Variants in MAP2 observed in about 807,000 individuals in gnomAD.
MAP2 encodes microtubule-associated protein 2.
Under a neutral mutation model 137.6 loss-of-function variants are expected in MAP2, and 14 were observed. That is an observed-to-expected ratio of 0.10 (90% CI 0.07 to 0.16). The LOEUF (loss-of-function observed/expected upper bound fraction) is 0.16. Ranked by LOEUF, MAP2 falls within the 10% of genes least tolerant of loss-of-function variation. The pLI is 1.00. For missense variants in MAP2, 2,088 were observed against 2,191.5 expected (o/e 0.95, Z 0.94); for synonymous variants, 786 against 782.3 (o/e 1.00, Z -0.08).
intron 1 of MAP2, among the ~76,000 whole-genome samples, chr2:209,445,702 G>A (rs1220996899): frequency 6.6e-6 from 1 of 151,534 alleles, no homozygotes; most frequent in African/African-American, 2.4e-5. Flanking sequence ...CTGAACTTGA[G>A]AATAACAATC....
chr2:209,719,870 T>C (rs1340263225), intron 13 of MAP2, among the ~76,000 whole-genome samples: 1 of 152,218 alleles, frequency 6.6e-6, no homozygotes, highest in Non-Finnish European at 1.5e-5. Context: ...AAGCCAACTA[T>C]TTGTGCAAAT....
intron 3 of MAP2, among the ~76,000 whole-genome samples, chr2:209,604,817 A>T (rs983018101): frequency 6.6e-6 from 1 of 152,204 alleles, no homozygotes; most frequent in Non-Finnish European, 1.5e-5. Context: ...GAATAAGCGG[A>T]CAGGAAAGAC....
intron 1 of MAP2, among the ~76,000 whole-genome samples, chr2:209,465,106 C>T (rs1051545514): frequency 1.3e-5 from 2 of 152,062 alleles, no homozygotes; most frequent in African/African-American, 4.8e-5. Flanking sequence ...TTAATAAAAT[C>T]TTAGAGCTGG....
intron 3 of MAP2, among the ~76,000 whole-genome samples, chr2:209,582,294 C>A (rs1319384052): frequency 6.6e-6 from 1 of 151,796 alleles, no homozygotes; most frequent in Non-Finnish European, 1.5e-5. Context: ...ATAATTAGAT[C>A]ATTACACTGG....
intron 1 of MAP2, among the ~76,000 whole-genome samples, chr2:209,505,522 A>G (rs915457897): frequency 2.0e-5 from 3 of 152,212 alleles, no homozygotes; most frequent in Non-Finnish European, 2.9e-5. Flanking sequence ...CTTTTATATC[A>G]CAAACAAAAT....
intron 3 of MAP2, among the ~76,000 whole-genome samples, chr2:209,609,895 A>G (rs1190086355): frequency 6.6e-6 from 1 of 152,176 alleles, no homozygotes; most frequent in Non-Finnish European, 1.5e-5. Flanking sequence ...GGTACAACAC[A>G]TACATTCATG....
At chr2:209,632,200 A>C (rs2093135540) in intron 4 of MAP2, among the ~76,000 whole-genome samples, 1 of 152,154 alleles carries the variant, frequency 6.6e-6, no homozygotes, top group African/African-American at 2.4e-5. Context: ...TGGAAAAGAA[A>C]CCTGTAGCTG....
At chr2:209,425,484 C>G (rs1553534048) in intron 1 of MAP2, among the ~76,000 whole-genome samples, 9 of 151,904 alleles carry the variant, frequency 5.9e-5, no homozygotes, top group Non-Finnish European at 2.9e-5. Context: ...TAGTGCAAAA[C>G]AAAAAAATAT....
chr2:209,502,489 G>A (rs1345739263), intron 1 of MAP2, among the ~76,000 whole-genome samples: 1 of 152,094 alleles, frequency 6.6e-6, no homozygotes, highest in Non-Finnish European at 1.5e-5. Flanking sequence ...CCATTCATCT[G>A]TTGATAGACA....
intron 5 of MAP2, among the ~76,000 whole-genome samples, chr2:209,670,496 A>G (rs984574996): frequency 1.3e-5 from 2 of 151,936 alleles, no homozygotes; most frequent in Non-Finnish European, 2.9e-5. Context: ...TCCATAATGT[A>G]GTGTTTTTAA....
At position 209,732,083 on chromosome 2, in the gene MAP2, C is replaced by G. The variant is rs1237991439; in HGVS notation, c.*1686C>G. The G allele has an allele frequency of 6.6e-6, 1 of 152,166 alleles. No homozygotes were observed. The highest frequency in any genetic ancestry group is 2.4e-5 in the African/African-American group (1 of 41,434). The allele number at this position is 152,166 out of a possible 1,614,324, so 9.4% of individuals were successfully genotyped here. On this transcript the variant is annotated 3_prime_UTR_variant, in exon 16 of 16. Coordinates refer to ENST00000682079, the MANE Select transcript of MAP2 (RefSeq NM_001375505.1). The stretch of plus-strand genomic sequence containing the variant: ...ACACTTTTTAAAAATTTTATCTGTT[C>G]TTTTTCTTGCTCAGGGCTGGTAGGT...
intron 4 of MAP2, among the ~76,000 whole-genome samples, chr2:209,642,388 C>T (rs979764124): frequency 1.3e-5 from 2 of 150,874 alleles, no homozygotes; most frequent in Non-Finnish European, 3.0e-5. Flanking sequence ...GATTGTGTCT[C>T]CGCATTCCAG....
intron 2 of MAP2, among the ~76,000 whole-genome samples, chr2:209,523,737 G>T (rs562421819): frequency 4.6e-5 from 7 of 152,224 alleles, no homozygotes; most frequent in Admixed American, 4.6e-4. Flanking sequence ...CTCTTGCCAG[G>T]TGGTCCGAAT....
chr2:209,597,999 T>TTTTA lies in MAP2; in HGVS notation c.-107+17915_-107+17918dup, dbSNP rs1009663690. The stretch of plus-strand genomic sequence containing the variant: ...CTCCATGAGTGTCTGTCCTATTCTT[T>TTTTA]TTTATTTATTTATTTATTTTTTTTG... On this transcript the variant is annotated intron_variant, in intron 3 of 15. Coordinates refer to ENST00000682079, the MANE Select transcript of MAP2 (RefSeq NM_001375505.1). Among the ~76,000 whole-genome samples, 7 of 151,906 alleles carry TTTTA rather than the reference T, an allele frequency of 4.6e-5. No homozygotes were observed. In the East Asian group the frequency reaches 5.8e-4, roughly 13 times the overall value.
chr2:209,685,924 G>A (rs776182542), intron 7 of MAP2, among the ~76,000 whole-genome samples: 2 of 152,092 alleles, frequency 1.3e-5, no homozygotes, highest in South Asian at 2.1e-4. Context: ...ATAGTCTGCT[G>A]TACCTCCCAG....
intron 2 of MAP2, among the ~76,000 whole-genome samples, chr2:209,560,365 A>G (rs150708729): frequency 6.6e-6 from 1 of 152,206 alleles, no homozygotes; most frequent in South Asian, 2.1e-4. Context: ...AGAACAGTGT[A>G]ATTTAGGGAA....
intron 2 of MAP2, among the ~76,000 whole-genome samples, chr2:209,576,587 A>G (rs2075404283): frequency 6.6e-6 from 1 of 152,138 alleles, no homozygotes; most frequent in East Asian, 1.9e-4. Flanking sequence ...CTTGAAAAGG[A>G]AATCCTGTTT....
rs114627276 is a variant in MAP2 at position 209,491,518 on chromosome 2, T to C, written c.-221-16074T>C. On this transcript the variant is annotated intron_variant, in intron 1 of 15. Transcript: ENST00000682079. The stretch of plus-strand genomic sequence containing the variant: ...ATCAGTGAATCCAGGAGCTAGTTTG[T>C]TTGAAAAGATTAACAAAATACATAG... 3.4e-3 allele frequency among the ~76,000 whole-genome samples: 510 copies of C among 152,142 alleles called. 2 individuals are homozygous for C. Among genetic ancestry groups the C allele is most frequent in the South Asian group, 0.016 (79 of 4,816 alleles).
At chr2:209,614,141 G>C (rs2088112937) in intron 3 of MAP2, among the ~76,000 whole-genome samples, 1 of 151,798 alleles carries the variant, frequency 6.6e-6, no homozygotes, top group African/African-American at 2.4e-5. Flanking sequence ...CTCCTGTGTT[G>C]ATTTCTGCAC....
Sources: allele counts gnomAD v4.1 joint callset (sites outside exome capture counted in the v4.1 genomes callset), GRCh38; gene constraint gnomAD v4.1.1; transcripts MANE v1.5; gene names NCBI Gene and HGNC (gene_info 2026-07-23, HGNC 2026-07-21).